SUSD4: variants seen among roughly 807,000 people sequenced by gnomAD.
SUSD4 encodes sushi domain containing 4.
SUSD4 carries 41 observed loss-of-function variants against 50.5 expected under a neutral mutation model. The observed-to-expected ratio is 0.81, with a 90% CI of 0.63 to 1.05. The LOEUF is 1.05. Ranked by LOEUF, SUSD4 falls within the 50% of genes least tolerant of loss-of-function variation. The pLI is 0.00. For synonymous variants in SUSD4, 257 were observed against 257.3 expected (o/e 1.00, Z 0.01); for missense variants, 580 against 634.7 (o/e 0.91, Z 0.93).
At chr1:223,363,592 C>A in intron 1 of SUSD4, 132 bp from the exon 2 acceptor site, 1 of 1,116,468 alleles carries the variant, frequency 9.0e-7, no homozygotes, top group Non-Finnish European at 1.2e-6. Context: ...CGCGCGGCCC[C>A]CGCCCCCTTT....
chr1:223,268,217 T>C (rs1247419317), intron 4 of SUSD4, among the ~76,000 whole-genome samples: 1 of 151,868 alleles, frequency 6.6e-6, no homozygotes, highest in Non-Finnish European at 1.5e-5. Flanking sequence ...TTTTGATATT[T>C]TGGAGTAAAA....
At chr1:223,268,439 C>T (rs1001571012) in intron 4 of SUSD4, 63 bp downstream of exon 4, 8 of 1,541,758 alleles carry the variant, frequency 5.2e-6, no homozygotes, top group Non-Finnish European at 6.1e-6. Context: ...AACATGTACA[C>T]AGTCTACAAT....
intron 2 of SUSD4, among the ~76,000 whole-genome samples, chr1:223,315,287 A>G (rs1033104044): frequency 3.9e-5 from 6 of 152,386 alleles, no homozygotes; most frequent in African/African-American, 1.2e-4. Context: ...GAATTCTGCT[A>G]AAGTGTAGAC....
At chr1:223,361,123 A>T (rs191493902) in intron 2 of SUSD4, among the ~76,000 whole-genome samples, 13 of 152,350 alleles carry the variant, frequency 8.5e-5, no homozygotes. Flanking sequence ...TTGTATGCAC[A>T]TTAAAGTTTT....
At chr1:223,271,025 C>CATGTATACATAT (rs1343143318) in intron 3 of SUSD4, among the ~76,000 whole-genome samples, 1 of 152,124 alleles carries the variant, frequency 6.6e-6, no homozygotes, top group Non-Finnish European at 1.5e-5. Context: ...ATGTGAATTA[C>CATGTATACATAT]GTTTTTTCAA....
At chr1:223,223,658 T>A in intron 7 of SUSD4, 27 bp from the exon 8 acceptor site, 1 of 1,568,214 alleles carries the variant, frequency 6.4e-7, no homozygotes, top group South Asian at 1.2e-5. Context: ...AGTGCCAACA[T>A]GTGAGAGCCA....
At chr1:223,296,129 T>C (rs1218386149) in intron 2 of SUSD4, among the ~76,000 whole-genome samples, 1 of 152,056 alleles carries the variant, frequency 6.6e-6, no homozygotes, top group Non-Finnish European at 1.5e-5. Flanking sequence ...ATTTGAGAAC[T>C]GTGGAATTTC....
In SUSD4 at chr1:223,292,769, C is replaced by A. The variant is rs1571992854; in HGVS notation, c.149-118G>T. The A allele has an allele frequency of 2.9e-6, 3 of 1,050,618 alleles. No individual in the cohort carries two copies. In the East Asian group the frequency reaches 7.8e-5, roughly 27 times the overall value. The allele number at this position is 1,050,618 out of a possible 1,614,324, so 65.1% of individuals were successfully genotyped here. On this transcript the variant is annotated intron_variant, in intron 2 of 8. Transcript: ENST00000366878. Reference sequence around the variant, plus strand: ...ATACGCCTTGGACACTCCAGTTACCCCACCACCAAAGCCAAGGACATTTTA... The same window carrying A: ...ATACGCCTTGGACACTCCAGTTACCACACCACCAAAGCCAAGGACATTTTA...
At chr1:223,354,610 CAT>C (rs1050165859) in intron 2 of SUSD4, among the ~76,000 whole-genome samples, 2 of 152,166 alleles carry the variant, frequency 1.3e-5, no homozygotes, top group Non-Finnish European at 2.9e-5. Flanking sequence ...ATAACCGAAA[CAT>C]ACAGATGAGC....
At chr1:223,274,865 T>A (rs778578668) in intron 3 of SUSD4, among the ~76,000 whole-genome samples, 2 of 152,092 alleles carry the variant, frequency 1.3e-5, no homozygotes, top group Non-Finnish European at 2.9e-5. Flanking sequence ...ATCATAGAGC[T>A]CTTTTTTTTC....
Position 223,223,539 on chromosome 1 carries a change from C to T in SUSD4, c.1154G>A (p.Gly385Asp). Residue 385 changes from glycine to aspartate, a missense_variant, in exon 8 of 9, where the codon GGC becomes GAC. By Grantham distance (94) the Gly-to-Asp change is moderately conservative. Transcript: ENST00000366878. The part of the protein sequence containing the change: ...MLPSYDEAVS[G>D]GLSALGPGYM... ...CCCGGGGCCTAAGGCACTCAAGCCG[C>T]CACTCACAGCTTCGTCATAGGACGG... The T allele has an allele frequency of 1.2e-6, 2 of 1,613,290 alleles. No homozygotes were observed. The highest frequency in any genetic ancestry group is 1.7e-6 in the Non-Finnish European group (2 of 1,179,754).
intron 7 of SUSD4, among the ~76,000 whole-genome samples, chr1:223,224,165 T>C (rs1659333215): frequency 6.6e-6 from 1 of 152,138 alleles, no homozygotes; most frequent in Non-Finnish European, 1.5e-5. Flanking sequence ...AGTGAAACCC[T>C]GCCTATACAA....
intron 5 of SUSD4, among the ~76,000 whole-genome samples, chr1:223,238,178 G>T (rs184198691): frequency 2.0e-5 from 3 of 151,924 alleles, no homozygotes; most frequent in African/African-American, 7.2e-5. Flanking sequence ...ATGTCCATGG[G>T]ATCTGTAGTG....
At chr1:223,250,831 AG>A (rs1318467409) in intron 5 of SUSD4, among the ~76,000 whole-genome samples, 5 of 152,192 alleles carry the variant, frequency 3.3e-5, no homozygotes, top group African/African-American at 1.2e-4. Context: ...AGGTTAGCTC[AG>A]GAAGGGGCTG....
chr1:223,241,761 C>T (rs1660600134), intron 5 of SUSD4, among the ~76,000 whole-genome samples: 1 of 152,214 alleles, frequency 6.6e-6, no homozygotes, highest in South Asian at 2.1e-4. Context: ...CAATCTCTGA[C>T]TTAGGAGCTA....
chr1:223,334,130 A>C (rs896111406), intron 2 of SUSD4, among the ~76,000 whole-genome samples: 4 of 152,186 alleles, frequency 2.6e-5, no homozygotes, highest in Non-Finnish European at 2.9e-5. Context: ...ATATAGAAAG[A>C]AAATACTATA....
intron 5 of SUSD4, among the ~76,000 whole-genome samples, chr1:223,249,626 G>A (rs754252004): frequency 5.9e-5 from 9 of 152,246 alleles, no homozygotes; most frequent in East Asian, 3.9e-4. Context: ...ATGTGTGTAT[G>A]CACTTATGGG....
intron 3 of SUSD4, among the ~76,000 whole-genome samples, chr1:223,282,596 G>A (rs1462758623): frequency 6.6e-6 from 1 of 152,140 alleles, no homozygotes; most frequent in African/African-American, 2.4e-5. Context: ...AAGAGGATAT[G>A]AACAAGTGGA....
chr1:223,221,402 C>T lies in SUSD4; in HGVS notation c.*790G>A, dbSNP rs1659129908. 3.7e-6 allele frequency: 1 copy of T among 271,846 alleles called. No individual in the cohort carries two copies. 16.8% of individuals were successfully genotyped at this position (271,846 alleles called of 1,614,324 possible). A position where few individuals can be genotyped will look rare whatever the true frequency, so the allele number is the denominator to read the frequency against. ...GTCTCCATCATGAGATGTATTTGAA[C>T]ACATTCTGACCATGTGTAAAAACCA... On this transcript the variant is annotated 3_prime_UTR_variant, in exon 9 of 9. Coordinates refer to ENST00000366878, the MANE Select transcript of SUSD4 (RefSeq NM_017982.4).
Sources: gnomAD v4.1 joint callset for allele counts (sites outside exome capture counted in the v4.1 genomes callset) on GRCh38, gnomAD v4.1.1 for gene constraint, MANE v1.5 for transcripts, NCBI Gene and HGNC (gene_info 2026-07-23, HGNC 2026-07-21) for gene names.